CA5A: variants seen among roughly 807,000 people sequenced by gnomAD.
CA5A encodes carbonic anhydrase 5A, mitochondrial.
In CA5A, 28 loss-of-function variants were observed where a neutral mutation model predicts 37.1. The observed-to-expected ratio is 0.75, with a 90% confidence interval of 0.56 to 1.03. The LOEUF (loss-of-function observed/expected upper bound fraction) is 1.03, where lower values mean the gene tolerates loss of function less well. Among genes scored for constraint, CA5A ranks in the 50% least tolerant of loss-of-function variants. The pLI is 0.00. For missense variants in CA5A, 444 were observed against 399.9 expected (o/e 1.11, Z -0.94); for synonymous variants, 171 against 158.4 (o/e 1.08, Z -0.60).
chr16:87,921,237 T>C (rs1434253264), intron 2 of CA5A, among the ~76,000 whole-genome samples: 1 of 152,240 alleles, frequency 6.6e-6, no homozygotes, highest in Non-Finnish European at 1.5e-5. Context: ...CACTTTTATT[T>C]GTCTGCTTTT....
intron 5 of CA5A, among the ~76,000 whole-genome samples, chr16:87,900,400 G>A (rs1410351011): frequency 1.3e-5 from 2 of 152,178 alleles, no homozygotes; most frequent in Non-Finnish European, 2.9e-5. Flanking sequence ...GCATCAAGGC[G>A]AAGGCCACGT....
At chr16:87,919,333 C>G (rs766349290) in intron 2 of CA5A, among the ~76,000 whole-genome samples, 42 of 152,238 alleles carry the variant, frequency 2.8e-4, no homozygotes, top group Non-Finnish European at 5.9e-4. Flanking sequence ...CTGCCTCCCA[C>G]TCTCCAAACA....
rs1002409319 is a variant in CA5A at position 87,924,244 on chromosome 16, C to T, written c.340+2504G>A. On this transcript the variant is annotated intron_variant, in intron 2 of 6. Transcript: ENST00000649794. ...TTACTGCTGCTGGCACTCAGCAAGC[C>T]CCACACGGGAAGCATCCGCGGGGGT... The T allele has an allele frequency of 5.1e-6, 5 of 985,304 alleles. No individual in the cohort carries two copies. In the African/African-American group the frequency reaches 8.7e-5, roughly 17 times the overall value. 61.0% of individuals were successfully genotyped at this position (985,304 alleles called of 1,614,324 possible).
chr16:87,934,351 C>T (rs1160378779), intron 1 of CA5A, among the ~76,000 whole-genome samples: 8 of 152,020 alleles, frequency 5.3e-5, no homozygotes, highest in African/African-American at 1.4e-4. Context: ...GGCAGATCAC[C>T]TGAGGCTGGG....
chr16:87,904,841 G>C lies in CA5A; in HGVS notation c.404C>G (p.Ala135Gly). 4 of 1,613,516 alleles carry C rather than the reference G, an allele frequency of 2.5e-6. No homozygotes were observed. Among genetic ancestry groups the C allele is most frequent in the Non-Finnish European group, 3.4e-6 (4 of 1,179,464 alleles). Residue 135 changes from alanine to glycine, a missense_variant, in exon 3 of 7, where the codon GCA becomes GGA. Ala to Gly is a moderately conservative substitution (Grantham distance 60). Transcript: ENST00000649794. ...RLKQFHFHWG[A>G]VNEGGSEHTV... ...GTGCTCTGAGCCCCCCTCGTTCACTGCTCCCCAGTGGAAGTGAAATTGCTT... is the reference window on the plus strand; with the variant it reads ...GTGCTCTGAGCCCCCCTCGTTCACTCCTCCCCAGTGGAAGTGAAATTGCTT...
At chr16:87,924,257 C>G (rs1297883366) in intron 2 of CA5A, 1 of 985,342 alleles carries the variant, frequency 1.0e-6, no homozygotes, top group East Asian at 1.1e-4. Context: ...ACACGGGAAG[C>G]ATCCGCGGGG....
chr16:87,896,948 CTTCT>C (rs2055811092), intron 5 of CA5A, among the ~76,000 whole-genome samples: 1 of 152,232 alleles, frequency 6.6e-6, no homozygotes, highest in African/African-American at 2.4e-5. Context: ...CTGGTTTTGT[CTTCT>C]TTCTCTTAAA....
chr16:87,906,597 A>T (rs1257941006), intron 2 of CA5A, among the ~76,000 whole-genome samples: 2 of 152,144 alleles, frequency 1.3e-5, no homozygotes, highest in African/African-American at 4.8e-5. Context: ...ACTGTACTCC[A>T]GACTGGGCGA....
intron 3 of CA5A, among the ~76,000 whole-genome samples, chr16:87,904,229 C>T (rs899826329): frequency 6.6e-6 from 1 of 152,038 alleles, no homozygotes. Context: ...GTAATCCCAG[C>T]TACTCGGGAG....
intron 2 of CA5A, chr16:87,924,238 G>C (rs762170508): frequency 1.8e-5 from 18 of 985,286 alleles, no homozygotes; most frequent in Non-Finnish European, 2.2e-5. Context: ...CTGGCACTCA[G>C]CAAGCCCCAC....
At chr16:87,928,951 CAT>C (rs2056357289) in intron 1 of CA5A, among the ~76,000 whole-genome samples, 1 of 149,852 alleles carries the variant, frequency 6.7e-6, no homozygotes, top group African/African-American at 2.4e-5. Flanking sequence ...GTATTTTTTT[CAT>C]AGAGACGGGG....
intron 2 of CA5A, among the ~76,000 whole-genome samples, chr16:87,916,992 T>C (rs4270180): frequency 0.68 from 103,464 of 151,472 alleles, 36,649 homozygotes; most frequent in African/African-American, 0.86. Flanking sequence ...GTAGTCCCAG[T>C]TACTCGGGAG....
At chr16:87,930,375 G>A (rs1160200013) in intron 1 of CA5A, among the ~76,000 whole-genome samples, 2 of 152,188 alleles carry the variant, frequency 1.3e-5, no homozygotes, top group Non-Finnish European at 2.9e-5. Context: ...GGGAGTCTCT[G>A]CTAGAGCTTC....
intron 5 of CA5A, among the ~76,000 whole-genome samples, chr16:87,901,597 T>C (rs7196621): frequency 4.9e-4 from 47 of 96,830 alleles, no homozygotes; most frequent in African/African-American, 1.8e-3. Flanking sequence ...CTTTTCTTTT[T>C]TTTTTTTTGA....
rs557025000 is a variant in CA5A, at chr16:87,931,579, A to G, written c.143-4634T>C. Among the ~76,000 whole-genome samples the G allele has an allele frequency of 4.6e-3, 699 of 152,348 alleles. 1 individual carries two copies. The highest frequency in any genetic ancestry group is 7.1e-3 in the Non-Finnish European group (483 of 68,020). The stretch of plus-strand genomic sequence containing the variant: ...TCTGCAGGAAGGAGAATAAGGGAGT[A>G]GAATCACAGCAGCTTTGCTGAGAAG... On this transcript the variant is annotated intron_variant, in intron 1 of 6. Coordinates refer to ENST00000649794, the MANE Select transcript of CA5A (RefSeq NM_001739.2).
At chr16:87,892,699 G>A (rs1184466536) in intron 5 of CA5A, among the ~76,000 whole-genome samples, 5 of 135,778 alleles carry the variant, frequency 3.7e-5, no homozygotes, top group Non-Finnish European at 6.2e-5. Context: ...TCGAGATGGA[G>A]TTTTGCTCTT....
chr16:87,917,660 CAT>C (rs1212742091), intron 2 of CA5A, among the ~76,000 whole-genome samples: 7 of 103,552 alleles, frequency 6.8e-5, no homozygotes, highest in East Asian at 6.1e-4. Context: ...CACACGTGCA[CAT>C]AGAGACACAT....
intron 1 of CA5A, among the ~76,000 whole-genome samples, chr16:87,929,343 C>T (rs753882157): frequency 6.1e-5 from 9 of 147,428 alleles, no homozygotes; most frequent in South Asian, 2.2e-4. Context: ...TCCCAGCTAC[C>T]GGGGAGGCTG....
intron 1 of CA5A, among the ~76,000 whole-genome samples, chr16:87,933,275 C>T (rs573904247): frequency 1.3e-5 from 2 of 152,330 alleles, no homozygotes; most frequent in East Asian, 1.9e-4. Flanking sequence ...TCACCATGGC[C>T]AATTTTAAGT....
Sources: gnomAD v4.1 joint callset for allele counts (sites outside exome capture counted in the v4.1 genomes callset) on GRCh38, gnomAD v4.1.1 for gene constraint, MANE v1.5 for transcripts, NCBI Gene and HGNC (gene_info 2026-07-23, HGNC 2026-07-21) for gene names.